Variants in CDH12 observed in about 807,000 individuals in gnomAD.
The protein encoded by CDH12 is cadherin-12.
CDH12 carries 41 observed loss-of-function variants against 74.1 expected under a neutral mutation model. That is an observed-to-expected ratio of 0.55 (90% CI 0.43 to 0.72). CDH12 has a LOEUF of 0.72. Ranked by LOEUF, CDH12 falls within the 30% of genes least tolerant of loss-of-function variation. CDH12 has a pLI of 0.00. For synonymous variants in CDH12, 399 were observed against 355.0 expected (o/e 1.12, Z -1.39); for missense variants, 945 against 977.2 (o/e 0.97, Z 0.44).
At chr5:22,234,855 CAACTT>C (rs1156256862) in intron 3 of CDH12, among the ~76,000 whole-genome samples, 8 of 151,778 alleles carry the variant, frequency 5.3e-5, no homozygotes, top group Non-Finnish European at 1.2e-4. Flanking sequence ...AAAATACAAA[CAACTT>C]AGAATACAAT....
At chr5:22,615,311 A>C (rs553137889) in intron 1 of CDH12, among the ~76,000 whole-genome samples, 3 of 152,146 alleles carry the variant, frequency 2.0e-5, no homozygotes, top group African/African-American at 7.2e-5. Context: ...AACCATTATT[A>C]CTCACTGAAA....
intron 1 of CDH12, among the ~76,000 whole-genome samples, chr5:22,840,092 GA>G (rs1168293587): frequency 2.2e-4 from 34 of 152,008 alleles, no homozygotes; most frequent in Admixed American, 2.2e-3. Flanking sequence ...TATATAAGAT[GA>G]CTTTTTAAAA....
At chr5:21,843,671 T>G (rs1184735218) in intron 7 of CDH12, among the ~76,000 whole-genome samples, 1 of 152,056 alleles carries the variant, frequency 6.6e-6, no homozygotes, top group Non-Finnish European at 1.5e-5. Context: ...TGCGCCACCA[T>G]GCCTGGCTTA....
intron 1 of CDH12, among the ~76,000 whole-genome samples, chr5:22,780,738 A>G (rs1224513391): frequency 6.6e-6 from 1 of 152,028 alleles, no homozygotes; most frequent in African/African-American, 2.4e-5. Flanking sequence ...TCACACCACT[A>G]CACTCTGGCG....
intron 3 of CDH12, among the ~76,000 whole-genome samples, chr5:22,305,980 A>G (rs181716892): frequency 1.1e-3 from 171 of 152,158 alleles, no homozygotes; most frequent in Middle Eastern, 3.4e-3. Flanking sequence ...TGCCTCCTAG[A>G]TAAGATTCAT....
chr5:22,023,367 G>A (rs1738115864), intron 5 of CDH12, among the ~76,000 whole-genome samples: 1 of 152,020 alleles, frequency 6.6e-6, no homozygotes, highest in Non-Finnish European at 1.5e-5. Context: ...CCAATGATAT[G>A]CACACAGAAG....
In CDH12 at chr5:22,778,035, C is replaced by T. The variant is rs146086458; in HGVS notation, c.-523+75023G>A. Among the ~76,000 whole-genome samples, 834 of 152,200 alleles carry T rather than the reference C, an allele frequency of 5.5e-3. 6 individuals are homozygous for T. The highest frequency in any genetic ancestry group is 0.019 in the African/African-American group (785 of 41,516). On this transcript the variant is annotated intron_variant, in intron 1 of 14. Coordinates refer to ENST00000382254, the MANE Select transcript of CDH12 (RefSeq NM_004061.5). ...GGCCAGGCTGGCCTCGAACTCCTGA[C>T]CTCAAGTGATCAGCCCACCTCAGCC... is the stretch of plus-strand genomic sequence containing the variant.
At chr5:22,694,242 A>G (rs1742235088) in intron 1 of CDH12, among the ~76,000 whole-genome samples, 1 of 152,220 alleles carries the variant, frequency 6.6e-6, no homozygotes, top group African/African-American at 2.4e-5. Flanking sequence ...ATAAGAGAGA[A>G]GAAACACTCT....
rs139294368 is a variant in CDH12, at chr5:22,621,560, C to A, written c.-522-116196G>T. 1.1e-3 allele frequency among the ~76,000 whole-genome samples: 174 copies of A among 152,022 alleles called. 1 individual carries two copies. In the East Asian group the frequency reaches 0.033, roughly 28 times the overall value. ...AAAAATATTATAAAAGAAATTATAACAGCAAAGAAAGCTCAACAATGGTAA... is the reference window on the plus strand; with the variant it reads ...AAAAATATTATAAAAGAAATTATAAAAGCAAAGAAAGCTCAACAATGGTAA... On this transcript the variant is annotated intron_variant, in intron 1 of 14. Transcript: ENST00000382254.
At chr5:22,267,278 T>A (rs1343928625) in intron 3 of CDH12, among the ~76,000 whole-genome samples, 2 of 152,228 alleles carry the variant, frequency 1.3e-5, no homozygotes, top group Non-Finnish European at 2.9e-5. Context: ...TCAACTGTTA[T>A]GAGTAACGTG....
At chr5:21,814,142 A>AGTGTGTGTGTGTGTGTGT in intron 9 of CDH12, among the ~76,000 whole-genome samples, 1 of 145,516 alleles carries the variant, frequency 6.9e-6, no homozygotes, top group Middle Eastern at 3.2e-3. Flanking sequence ...AGGAGAAATG[A>AGTGTGTGTGTGTGTGTGT]GTGTGTGTGT....
intron 4 of CDH12, among the ~76,000 whole-genome samples, chr5:22,115,090 T>C (rs1213389521): frequency 1.3e-5 from 2 of 152,204 alleles, no homozygotes; most frequent in African/African-American, 4.8e-5. Flanking sequence ...ACCACCCAGA[T>C]AAACACTCTT....
chr5:21,817,023 A>T lies in CDH12; in HGVS notation c.924T>A (p.Ile308=). ...FGQNAEIEYN[I]VPGDGGNLFD... ...ACAAATTTCCCCCATCTCCTGGAAC[A>T]ATATTGTATTCAATTTCTGCATTTT... The change falls in exon 9 of 15, where the codon ATT becomes ATA. Residue 308 remains isoleucine (I), a synonymous_variant. Coordinates refer to ENST00000382254, the MANE Select transcript of CDH12 (RefSeq NM_004061.5). The T allele has an allele frequency of 2.5e-6, 4 of 1,612,818 alleles. No individual in the cohort carries two copies. The highest frequency in any genetic ancestry group is 2.5e-6 in the Non-Finnish European group (3 of 1,179,194).
rs144383557 is a variant in CDH12, at chr5:22,103,820, T to C, written c.-186-24958A>G. On this transcript the variant is annotated intron_variant, in intron 4 of 14. Coordinates refer to ENST00000382254, the MANE Select transcript of CDH12 (RefSeq NM_004061.5). ...TTAACATGATTTTGTAGTGAATATT[T>C]ATCCAAATGCAACATCAGTGACAGA... Among the ~76,000 whole-genome samples the C allele has an allele frequency of 3.9e-5, 6 of 152,374 alleles. No homozygotes were observed. The East Asian group carries it at 1.2e-3, about 29-fold the overall frequency.
chr5:22,352,837 G>C (rs1740411894), intron 3 of CDH12, among the ~76,000 whole-genome samples: 1 of 152,120 alleles, frequency 6.6e-6, no homozygotes, highest in Admixed American at 6.6e-5. Context: ...AGTCTATCTA[G>C]CATAAGAACT....
At chr5:21,935,000 A>G (rs922184642) in intron 6 of CDH12, among the ~76,000 whole-genome samples, 11 of 151,972 alleles carry the variant, frequency 7.2e-5, no homozygotes, top group Admixed American at 1.3e-4. Flanking sequence ...GTTAGCCAGG[A>G]TGGTCTGGAT....
At chr5:22,574,665 C>T (rs1739697223) in intron 1 of CDH12, among the ~76,000 whole-genome samples, 1 of 152,062 alleles carries the variant, frequency 6.6e-6, no homozygotes. Context: ...AAGCCTCTAT[C>T]TTAGGTTCCT....
rs115764415 is a variant in CDH12 at position 22,502,047 on chromosome 5, C to T, written c.-428+3223G>A. The stretch of plus-strand genomic sequence containing the variant: ...CTCACTTCCAAAACTTTCCATTTGT[C>T]GACACTCTTTGCATCCTCATCTTCA... On this transcript the variant is annotated intron_variant, in intron 2 of 14. Coordinates refer to ENST00000382254, the MANE Select transcript of CDH12 (RefSeq NM_004061.5). Among the ~76,000 whole-genome samples, 1,366 of 152,162 alleles carry T rather than the reference C, an allele frequency of 9.0e-3. 17 individuals carry two copies. Among genetic ancestry groups the T allele is most frequent in the African/African-American group, 0.031 (1,279 of 41,496 alleles).
chr5:22,517,482 A>T (rs1361912743), intron 1 of CDH12, among the ~76,000 whole-genome samples: 2 of 152,186 alleles, frequency 1.3e-5, no homozygotes, highest in African/African-American at 2.4e-5. Flanking sequence ...AAGCTAAGTG[A>T]ATATTATCAG....
Sources: gnomAD v4.1 joint callset for allele counts (sites outside exome capture counted in the v4.1 genomes callset) on GRCh38, gnomAD v4.1.1 for gene constraint, MANE v1.5 for transcripts, NCBI Gene and HGNC (gene_info 2026-07-23, HGNC 2026-07-21) for gene names.